Variants in PCDH15 observed in about 807,000 individuals in gnomAD.
PCDH15 encodes the protein protocadherin-15.
In PCDH15, 129 loss-of-function variants were observed where a neutral mutation model predicts 178.5. The observed-to-expected ratio is 0.72, with a 90% CI of 0.63 to 0.84. The LOEUF (loss-of-function observed/expected upper bound fraction) is 0.84, where lower values mean the gene tolerates loss of function less well. Ranked by LOEUF, PCDH15 falls within the 40% of genes least tolerant of loss-of-function variation. The probability of loss-of-function intolerance (pLI) is 0.00; values close to 1 mark genes in which losing one functional copy is unlikely to be tolerated. For missense variants in PCDH15, 2,230 were observed against 2,099.9 expected (o/e 1.06, Z -1.21); for synonymous variants, 800 against 732.0 (o/e 1.09, Z -1.50).
At chr10:54,995,412 A>C (rs919573500) in intron 2 of PCDH15, among the ~76,000 whole-genome samples, 6 of 151,036 alleles carry the variant, frequency 4.0e-5, no homozygotes, top group Non-Finnish European at 8.8e-5. Context: ...AAAAAGAAGG[A>C]AAAAAATTAT....
intron 3 of PCDH15, among the ~76,000 whole-genome samples, chr10:54,826,690 C>T (rs930531578): frequency 6.6e-6 from 1 of 151,800 alleles, no homozygotes; most frequent in Non-Finnish European, 1.5e-5. Context: ...ATACAAATAA[C>T]CTGTAAGATT....
At chr10:55,085,708 A>G (rs1383022197) in intron 2 of PCDH15, among the ~76,000 whole-genome samples, 1 of 151,916 alleles carries the variant, frequency 6.6e-6, no homozygotes, top group Non-Finnish European at 1.5e-5. Context: ...TTTCATATAT[A>G]TAGTCAAATT....
intron 18 of PCDH15, among the ~76,000 whole-genome samples, chr10:54,051,470 T>TA (rs1313553847): frequency 1.3e-5 from 2 of 152,040 alleles, no homozygotes; most frequent in African/African-American, 4.8e-5. Flanking sequence ...CGTTGGGAAA[T>TA]AGAGTAAATG....
intron 2 of PCDH15, among the ~76,000 whole-genome samples, chr10:55,394,316 G>T (rs545289309): frequency 4.2e-4 from 63 of 150,624 alleles, no homozygotes; most frequent in African/African-American, 1.4e-3. Context: ...GTTTCTTGAT[G>T]CTCTTTTTTA....
chr10:55,408,558 T>G (rs574885281), intron 2 of PCDH15, among the ~76,000 whole-genome samples: 1 of 152,248 alleles, frequency 6.6e-6, no homozygotes, highest in African/African-American at 2.4e-5. Context: ...CTCAAGAACA[T>G]AAATTTGAGA....
chr10:53,821,617 C>G, intron 32 of PCDH15: 1 of 1,235,434 alleles, frequency 8.1e-7, no homozygotes, highest in Non-Finnish European at 1.0e-6. Flanking sequence ...ACTTACTTTT[C>G]AAATAAATGT....
At chr10:54,959,781 T>C (rs576968305) in intron 2 of PCDH15, among the ~76,000 whole-genome samples, 2 of 152,226 alleles carry the variant, frequency 1.3e-5, no homozygotes, top group East Asian at 1.9e-4. Flanking sequence ...AATTATTCTG[T>C]AGGAAAAATT....
chr10:55,054,150 T>C (rs1256061324), intron 2 of PCDH15, among the ~76,000 whole-genome samples: 1 of 152,164 alleles, frequency 6.6e-6, no homozygotes, highest in Non-Finnish European at 1.5e-5. Context: ...ATTTAAATCC[T>C]ACTCATGTAC....
chr10:54,477,920 T>A (rs2078400280), intron 3 of PCDH15, among the ~76,000 whole-genome samples: 1 of 152,184 alleles, frequency 6.6e-6, no homozygotes. Context: ...AATGAAATAC[T>A]TACTTGGCAG....
chr10:53,812,356 C>A (rs532527635), intron 35 of PCDH15, among the ~76,000 whole-genome samples: 2 of 150,660 alleles, frequency 1.3e-5, no homozygotes, highest in African/African-American at 4.9e-5. Context: ...TACAGGCGCC[C>A]GCCACCACGC....
chr10:55,080,240 C>T (rs1564780363), intron 2 of PCDH15, among the ~76,000 whole-genome samples: 1 of 152,132 alleles, frequency 6.6e-6, no homozygotes, highest in African/African-American at 2.4e-5. Context: ...AGGTGAGCAA[C>T]AGACTAGTAA....
At chr10:53,897,959 C>CT (rs66513139) in intron 26 of PCDH15, among the ~76,000 whole-genome samples, 2,090 of 82,374 alleles carry the variant, frequency 0.025, 52 homozygotes, top group Non-Finnish European at 0.031. Flanking sequence ...TTTCTTTTCC[C>CT]TTTTTTTTTT....
chr10:55,573,505 A>G (rs1390959365), intron 2 of PCDH15, among the ~76,000 whole-genome samples: 2 of 152,114 alleles, frequency 1.3e-5, no homozygotes, highest in East Asian at 1.9e-4. Flanking sequence ...TCTTTATTGT[A>G]TATTAGGGAA....
chr10:55,599,970 TATAA>T, intron 2 of PCDH15: 6 of 1,492,164 alleles, frequency 4.0e-6, no homozygotes, highest in Non-Finnish European at 5.3e-6. Flanking sequence ...AAGAGGCGGG[TATAA>T]ATAAATAGGA....
intron 25 of PCDH15, among the ~76,000 whole-genome samples, chr10:53,931,816 G>A (rs1364477727): frequency 6.6e-6 from 1 of 152,082 alleles, no homozygotes; most frequent in Non-Finnish European, 1.5e-5. Context: ...TCATTTAAAG[G>A]TAAAATGTCC....
intron 2 of PCDH15, among the ~76,000 whole-genome samples, chr10:55,114,719 T>C (rs1837588666): frequency 6.6e-6 from 1 of 152,136 alleles, no homozygotes; most frequent in Non-Finnish European, 1.5e-5. Context: ...ACCTAGGAAA[T>C]GAAAGAGCTA....
intron 2 of PCDH15, among the ~76,000 whole-genome samples, chr10:55,542,263 A>G (rs1033051872): frequency 6.6e-6 from 1 of 151,162 alleles, no homozygotes; most frequent in African/African-American, 2.4e-5. Flanking sequence ...ATGTATGTAC[A>G]GTATGTCTAT....
intron 2 of PCDH15, among the ~76,000 whole-genome samples, chr10:55,506,949 A>C (rs1840772133): frequency 6.6e-6 from 1 of 151,580 alleles, no homozygotes; most frequent in South Asian, 2.1e-4. Flanking sequence ...AGATTAACAC[A>C]TGAAATAGTA....
intron 3 of PCDH15, among the ~76,000 whole-genome samples, chr10:54,811,624 C>T (rs1167014560): frequency 1.3e-5 from 2 of 152,066 alleles, no homozygotes; most frequent in Admixed American, 6.5e-5. Context: ...CCATGCGCCA[C>T]GACGCCCCGC....
Sources: gnomAD v4.1 joint callset for allele counts (sites outside exome capture counted in the v4.1 genomes callset) on GRCh38, gnomAD v4.1.1 for gene constraint, MANE v1.5 for transcripts, NCBI Gene and HGNC (gene_info 2026-07-23, HGNC 2026-07-21) for gene names.